The following FAM13B variants were observed in gnomAD, a reference collection of about 807,000 sequenced individuals.
The protein encoded by FAM13B is family with sequence similarity 13 member B, also known as protein FAM13B.
A neutral mutation model predicts 117.3 loss-of-function variants in FAM13B; 60 were observed. The observed-to-expected ratio is 0.51, with a 90% confidence interval of 0.42 to 0.63. The LOEUF is 0.63. Among genes scored for constraint, FAM13B ranks in the 30% least tolerant of loss-of-function variants. The pLI is 0.00. For synonymous variants in FAM13B, 332 were observed against 356.1 expected (o/e 0.93, Z 0.76); for missense variants, 972 against 1,091.9 (o/e 0.89, Z 1.55).
chr5:137,998,016 T>C (rs1334209888), intron 7 of FAM13B, among the ~76,000 whole-genome samples: 1 of 152,190 alleles, frequency 6.6e-6, no homozygotes, highest in African/African-American at 2.4e-5. Flanking sequence ...ACTAGGAACT[T>C]TCCACTGTAT....
chr5:137,960,722 C>A (rs1328943967), intron 11 of FAM13B, among the ~76,000 whole-genome samples: 2 of 152,040 alleles, frequency 1.3e-5, no homozygotes, highest in Non-Finnish European at 2.9e-5. Flanking sequence ...CAAACCTTTC[C>A]CTCCTCAAAA....
intron 1 of FAM13B, among the ~76,000 whole-genome samples, chr5:138,046,060 C>G (rs763243592): frequency 1.3e-5 from 2 of 152,100 alleles, no homozygotes; most frequent in African/African-American, 4.8e-5. Context: ...AATTGAATCA[C>G]GGGGGCAAGT....
Position 138,032,973 on chromosome 5 carries a change from C to T in FAM13B, c.-394G>A, listed in dbSNP as rs1030116391. 7.1e-6 allele frequency: 7 copies of T among 986,396 alleles called. No individual in the cohort carries two copies. In the African/African-American group the frequency reaches 1.0e-4, roughly 15 times the overall value. The allele number at this position is 986,396 out of a possible 1,614,324, so 61.1% of individuals were successfully genotyped here. A position where few individuals can be genotyped will look rare whatever the true frequency, so the allele number is the denominator to read the frequency against. The stretch of plus-strand genomic sequence containing the variant: ...GCCCGGTAAGCGACCCCCCGGATAC[C>T]CCCGGCGGTGGTGGCGACGCAGACG... On this transcript the variant is annotated 5_prime_UTR_variant, in exon 1 of 24. Transcript: ENST00000689681.
At chr5:138,046,436 G>A (rs1791643102) in intron 1 of FAM13B, among the ~76,000 whole-genome samples, 1 of 152,208 alleles carries the variant, frequency 6.6e-6, no homozygotes, top group African/African-American at 2.4e-5. Context: ...CGAGCTTTGA[G>A]GAAGGGGCAT....
intron 17 of FAM13B, among the ~76,000 whole-genome samples, chr5:137,952,237 T>G (rs1251837982): frequency 6.6e-6 from 1 of 152,162 alleles, no homozygotes; most frequent in South Asian, 2.1e-4. Flanking sequence ...TGATTAGACA[T>G]TCTTAGTCTT....
intron 17 of FAM13B, among the ~76,000 whole-genome samples, chr5:137,952,205 T>C (rs1765222516): frequency 6.6e-6 from 1 of 152,222 alleles, no homozygotes; most frequent in Non-Finnish European, 1.5e-5. Context: ...AATTTAGTCT[T>C]TGTGGTATAA....
chr5:137,959,701 C>A lies in FAM13B; in HGVS notation c.1356G>T (p.Gln452His). ...ANTESEVPGGQSVGVQGEAAC... is the reference protein window; with the variant it reads ...ANTESEVPGGHSVGVQGEAAC... Reference sequence around the variant, plus strand: ...CTGCTTCCCCTTGAACACCAACACTCTGACCTCCTGGTACTTCTGATTCAG... The same window carrying A: ...CTGCTTCCCCTTGAACACCAACACTATGACCTCCTGGTACTTCTGATTCAG... Residue 452 changes from glutamine (Q) to histidine (H), a missense_variant, in exon 13 of 24, where the codon CAG becomes CAT. Coordinates refer to ENST00000689681, the MANE Select transcript of FAM13B (RefSeq NM_001385994.1). 1 of 1,613,978 alleles carries A rather than the reference C, an allele frequency of 6.2e-7. No individual in the cohort carries two copies. Among genetic ancestry groups the A allele is most frequent in the Non-Finnish European group, 8.5e-7 (1 of 1,179,862 alleles).
chr5:137,972,106 A>G (rs1366383042), intron 10 of FAM13B, among the ~76,000 whole-genome samples: 12 of 150,562 alleles, frequency 8.0e-5, no homozygotes, highest in African/African-American at 2.2e-4. Context: ...TCCCTAACTC[A>G]TTTTATGAGG....
upstream of FAM13B, chr5:138,036,909 A>G (rs1333994033): frequency 6.1e-6 from 2 of 329,172 alleles, no homozygotes; most frequent in Admixed American, 4.7e-5. Context: ...GACATTTTTG[A>G]TTGTCACCAC....
intron 1 of FAM13B, among the ~76,000 whole-genome samples, chr5:138,043,051 C>T (rs1336324740): frequency 6.6e-6 from 1 of 152,072 alleles, no homozygotes. Flanking sequence ...GAGATCGTGC[C>T]ACTTCATCCC....
In FAM13B at chr5:138,007,015, C is replaced by G. The variant is rs149096599; in HGVS notation, c.823G>C (p.Glu275Gln). The change falls in exon 7 of 24, where the codon GAA becomes CAA. Residue 275 changes from glutamate (E) to glutamine (Q), a missense_variant. Coordinates refer to ENST00000689681, the MANE Select transcript of FAM13B (RefSeq NM_001385994.1). ...CTTGTTGCCGTAACACTATTTGATT[C>G]CAGGATGTTTTCAGTCATCCTTAAT... Reference protein sequence around the residue: ...VQLRMTENILESNSVTATSTH... With the variant: ...VQLRMTENILQSNSVTATSTH... The G allele has an allele frequency of 1.2e-6, 2 of 1,609,994 alleles. No individual in the cohort carries two copies. Among genetic ancestry groups the G allele is most frequent in the Non-Finnish European group, 1.7e-6 (2 of 1,179,088 alleles).
At chr5:138,007,355 G>A (rs919302676) in intron 6 of FAM13B, among the ~76,000 whole-genome samples, 6 of 152,050 alleles carry the variant, frequency 3.9e-5, no homozygotes, top group African/African-American at 1.4e-4. Context: ...TTTTGAAGCA[G>A]GATTAGTGTA....
chr5:137,939,253 G>C lies in FAM13B; in HGVS notation c.*972C>G, dbSNP rs1230875103. On this transcript the variant is annotated 3_prime_UTR_variant, in exon 24 of 24. Transcript: ENST00000689681. The stretch of plus-strand genomic sequence containing the variant: ...AAAAAAAAAAGATAACCCCCTGAAG[G>C]TACATGTGAAAATGCAGTGGTAGAG... The C allele has an allele frequency of 6.6e-6, 1 of 152,506 alleles. No homozygotes were observed. Among genetic ancestry groups the C allele is most frequent in the Admixed American group, 6.6e-5 (1 of 15,262 alleles). The allele number at this position is 152,506 out of a possible 1,614,324, so 9.4% of individuals were successfully genotyped here. A position where few individuals can be genotyped will look rare whatever the true frequency, so the allele number is the denominator to read the frequency against.
intron 11 of FAM13B, among the ~76,000 whole-genome samples, chr5:137,961,292 AAGAGG>A (rs1255486482): frequency 1.4e-5 from 2 of 143,466 alleles, no homozygotes; most frequent in African/African-American, 5.2e-5. Context: ...GTTGAAGTTG[AAGAGG>A]AGAGAGCTTT....
At chr5:137,989,515 A>G (rs572344851) in intron 7 of FAM13B, among the ~76,000 whole-genome samples, 9 of 152,304 alleles carry the variant, frequency 5.9e-5, no homozygotes, top group African/African-American at 2.2e-4. Flanking sequence ...GGAAGTGTTT[A>G]CCAATATTCA....
chr5:138,011,981 G>A (rs1365603701), intron 4 of FAM13B, 36 bp from the exon 5 acceptor site: 3 of 1,457,172 alleles, frequency 2.1e-6, no homozygotes, highest in East Asian at 2.4e-5. Flanking sequence ...TTTCAATAAA[G>A]GAAAAAGCAA....
intron 6 of FAM13B, among the ~76,000 whole-genome samples, chr5:138,009,413 G>A (rs187038342): frequency 7.3e-4 from 111 of 151,596 alleles, no homozygotes; most frequent in Non-Finnish European, 2.2e-4. Context: ...CCCCATCTAC[G>A]TATTTTATTA....
intron 1 of FAM13B, among the ~76,000 whole-genome samples, chr5:138,022,754 G>T (rs1474069340): frequency 6.6e-6 from 1 of 152,024 alleles, no homozygotes. Flanking sequence ...AGTCTGTCAG[G>T]GAGCAAGTTT....
intron 1 of FAM13B, among the ~76,000 whole-genome samples, chr5:138,027,241 C>T (rs961764801): frequency 1.3e-5 from 2 of 152,146 alleles, no homozygotes; most frequent in African/African-American, 2.4e-5. Flanking sequence ...AAATAGGATA[C>T]AATTCACATA....
Sources: gnomAD v4.1 joint callset for allele counts (sites outside exome capture counted in the v4.1 genomes callset) on GRCh38, gnomAD v4.1.1 for gene constraint, MANE v1.5 for transcripts, NCBI Gene and HGNC (gene_info 2026-07-23, HGNC 2026-07-21) for gene names.